The following TMEM132E variants were observed in gnomAD, a reference collection of about 807,000 sequenced individuals.
The protein encoded by TMEM132E is transmembrane protein 132E.
TMEM132E carries 49 observed loss-of-function variants against 78.5 expected under a neutral mutation model. The ratio of observed to expected loss-of-function variants is 0.62; its 90% CI spans 0.50 to 0.79. TMEM132E has a LOEUF of 0.79. TMEM132E is among the 30% of genes least tolerant of loss of function. The probability of loss-of-function intolerance (pLI) is 0.00; values close to 1 mark genes in which losing one functional copy is unlikely to be tolerated. For missense variants in TMEM132E, 1,403 were observed against 1,470.9 expected, an observed-to-expected ratio of 0.95 and a Z score of 0.75; for synonymous variants, 715 against 670.6, an observed-to-expected ratio of 1.07 and a Z score of -1.02.
intron 2 of TMEM132E, among the ~76,000 whole-genome samples, chr17:34,627,467 C>CGTGTGTGTGGGTGT (rs1907193544): frequency 7.9e-6 from 1 of 126,470 alleles, no homozygotes; most frequent in Admixed American, 8.2e-5. Context: ...CCAAAAGAAT[C>CGTGTGTGTGGGTGT]GTGTGTGTGT....
intron 1 of TMEM132E, among the ~76,000 whole-genome samples, chr17:34,616,163 T>C (rs1906772285): frequency 6.6e-6 from 1 of 152,064 alleles, no homozygotes; most frequent in South Asian, 2.1e-4. Context: ...CCCAGGCAGA[T>C]GGCAGGAAAC....
At chr17:34,615,039 G>A (rs2142070245) in intron 1 of TMEM132E, among the ~76,000 whole-genome samples, 1 of 152,300 alleles carries the variant, frequency 6.6e-6, no homozygotes, top group East Asian at 1.9e-4. Flanking sequence ...CCAGAGGAAG[G>A]TACCCCTGAG....
chr17:34,584,742 C>A (rs1184513705), intron 1 of TMEM132E, among the ~76,000 whole-genome samples: 2 of 152,178 alleles, frequency 1.3e-5, no homozygotes, highest in Non-Finnish European at 2.9e-5. Context: ...AGAGATACCA[C>A]AAAGAGAGCA....
At chr17:34,584,418 A>C (rs1429885880) in intron 1 of TMEM132E, among the ~76,000 whole-genome samples, 2 of 152,210 alleles carry the variant, frequency 1.3e-5, no homozygotes, top group Non-Finnish European at 2.9e-5. Flanking sequence ...GATAGAAATA[A>C]ATGAACTTTT....
chr17:34,618,245 T>C (rs899111557), intron 1 of TMEM132E, among the ~76,000 whole-genome samples: 3 of 152,194 alleles, frequency 2.0e-5, no homozygotes, highest in African/African-American at 7.2e-5. Flanking sequence ...GTTTTTTGTT[T>C]GTTTGTTTTA....
chr17:34,594,891 T>G (rs4278792), intron 1 of TMEM132E, among the ~76,000 whole-genome samples: 60 of 152,328 alleles, frequency 3.9e-4, no homozygotes, highest in African/African-American at 1.4e-3. Flanking sequence ...TGTGAGCATG[T>G]TTTTGAACAC....
In TMEM132E at chr17:34,638,042, G is replaced by C; in HGVS notation, c.3035G>C (p.Arg1012Pro). The part of the protein sequence containing the change: ...PASSPTSKRK[R>P]VKFTTFTTLP... ...AGCTCGCCCACCTCCAAGCGCAAGC[G>C]GGTCAAGTTCACCACCTTCACCACG... The change falls in exon 9 of 9, where the codon CGG (arginine) becomes CCG (proline). Residue 1012 changes from arginine to proline, a missense_variant. This residue lies in a region of TMEM132E where 888 missense variants were observed against 952.8 expected (regional missense o/e 0.93). Transcript: ENST00000631683. The C allele has an allele frequency of 6.3e-7, 1 of 1,577,628 alleles. No homozygotes were observed. The highest frequency in any genetic ancestry group is 8.6e-7 in the Non-Finnish European group (1 of 1,161,770).
At chr17:34,625,110 G>C (rs1440436592) in intron 1 of TMEM132E, among the ~76,000 whole-genome samples, 1 of 152,192 alleles carries the variant, frequency 6.6e-6, no homozygotes, top group Admixed American at 6.5e-5. Context: ...CTACTGTGTG[G>C]GGGAGGAGAA....
At chr17:34,596,627 T>C (rs1465928314) in intron 1 of TMEM132E, among the ~76,000 whole-genome samples, 1 of 152,072 alleles carries the variant, frequency 6.6e-6, no homozygotes, top group Non-Finnish European at 1.5e-5. Context: ...CCTTGGTCCA[T>C]CATTTGCTTC....
intron 8 of TMEM132E, 21 bp downstream of exon 8, chr17:34,636,219 C>G (rs1907518373): frequency 6.9e-7 from 1 of 1,440,738 alleles, no homozygotes; most frequent in Non-Finnish European, 9.2e-7. Context: ...CCTTGGCCCA[C>G]CAGCCAGGGA....
intron 5 of TMEM132E, among the ~76,000 whole-genome samples, chr17:34,632,370 G>T (rs999305021): frequency 1.3e-5 from 2 of 152,220 alleles, no homozygotes; most frequent in African/African-American, 4.8e-5. Context: ...TGGGGGAGGG[G>T]AGCCAGCCCT....
chr17:34,637,530 A>T lies in TMEM132E; in HGVS notation c.2523A>T (p.Gly841=). The T allele has an allele frequency of 6.3e-7, 1 of 1,599,530 alleles. No individual in the cohort carries two copies. Among genetic ancestry groups the T allele is most frequent in the South Asian group, 1.1e-5 (1 of 90,218 alleles). ...GPGGGEDEAR[G]AGPPGSALPA... Reference sequence around the variant, plus strand: ...GCGGGGGCGAGGACGAGGCCCGGGGAGCTGGCCCGCCGGGCTCTGCGCTAC... The same window carrying T: ...GCGGGGGCGAGGACGAGGCCCGGGGTGCTGGCCCGCCGGGCTCTGCGCTAC... The change falls in exon 9 of 9, where the codon GGA becomes GGT. Residue 841 remains glycine, a synonymous_variant. Transcript: ENST00000631683.
At chr17:34,583,404 G>C (rs372188800) in intron 1 of TMEM132E, among the ~76,000 whole-genome samples, 5 of 152,290 alleles carry the variant, frequency 3.3e-5, no homozygotes, top group African/African-American at 1.2e-4. Flanking sequence ...AAAACTTGGG[G>C]GATCCCCCAG....
intron 2 of TMEM132E, among the ~76,000 whole-genome samples, chr17:34,627,477 T>TGCGCGCGC (rs764096160): frequency 1.3e-5 from 2 of 149,370 alleles, no homozygotes; most frequent in African/African-American, 5.0e-5. Flanking sequence ...CGTGTGTGTG[T>TGCGCGCGC]GTGTGTGTGT....
At chr17:34,592,992 C>T (rs1567711502) in intron 1 of TMEM132E, among the ~76,000 whole-genome samples, 1 of 152,212 alleles carries the variant, frequency 6.6e-6, no homozygotes, top group Non-Finnish European at 1.5e-5. Flanking sequence ...AGAAATATAA[C>T]AGCAGCCACG....
intron 1 of TMEM132E, among the ~76,000 whole-genome samples, chr17:34,589,355 T>A (rs1419049211): frequency 6.6e-6 from 1 of 152,056 alleles, no homozygotes; most frequent in African/African-American, 2.4e-5. Flanking sequence ...GTAGTCACAG[T>A]GACTGGCAGG....
chr17:34,606,813 C>G (rs1353931498), intron 1 of TMEM132E, among the ~76,000 whole-genome samples: 3 of 152,202 alleles, frequency 2.0e-5, no homozygotes, highest in Non-Finnish European at 4.4e-5. Context: ...CCCTGTGTGA[C>G]CTGCCTGGCT....
At chr17:34,627,699 G>A (rs867692185) in intron 2 of TMEM132E, among the ~76,000 whole-genome samples, 10 of 152,078 alleles carry the variant, frequency 6.6e-5, no homozygotes, top group Admixed American at 1.3e-4. Flanking sequence ...GTGACTCTGA[G>A]GACACCCACC....
intron 1 of TMEM132E, among the ~76,000 whole-genome samples, chr17:34,617,769 T>C (rs1906829614): frequency 1.3e-5 from 2 of 152,238 alleles, no homozygotes; most frequent in South Asian, 4.1e-4. Context: ...AAGGATTTCC[T>C]CTTTAAAAAA....
Sources: allele counts gnomAD v4.1 joint callset (sites outside exome capture counted in the v4.1 genomes callset), GRCh38; gene constraint gnomAD v4.1.1; regional missense constraint gnomAD v4.1.1; transcripts MANE v1.5; gene names NCBI Gene and HGNC (gene_info 2026-07-23, HGNC 2026-07-21).